CDC42SE2: variants seen among roughly 807,000 people sequenced by gnomAD.
CDC42SE2 encodes CDC42 small effector protein 2.
Under a neutral mutation model 11.5 loss-of-function variants are expected in CDC42SE2, and 3 were observed. That is an observed-to-expected ratio of 0.26 (90% CI 0.12 to 0.67). CDC42SE2 has a LOEUF of 0.67. Among genes scored for constraint, CDC42SE2 ranks in the 30% least tolerant of loss-of-function variants. The probability of loss-of-function intolerance (pLI) is 0.80; values close to 1 mark genes in which losing one functional copy is unlikely to be tolerated. For missense variants in CDC42SE2, 82 were observed against 106.8 expected, an observed-to-expected ratio of 0.77 and a Z score of 1.02; for synonymous variants, 33 against 34.8, an observed-to-expected ratio of 0.95 and a Z score of 0.18.
intron 2 of CDC42SE2, among the ~76,000 whole-genome samples, chr5:131,340,700 T>C (rs62391421): frequency 4.8e-5 from 7 of 144,490 alleles, no homozygotes; most frequent in Admixed American, 3.4e-4. Context: ...TTTTTTTTTT[T>C]CCAAGACAGA....
upstream of CDC42SE2, among the ~76,000 whole-genome samples, chr5:131,262,682 A>G (rs186480236): frequency 7.5e-4 from 115 of 152,360 alleles, no homozygotes; most frequent in South Asian, 6.4e-3. Flanking sequence ...GTATTTGCAC[A>G]TAACCCACAT....
intron 2 of CDC42SE2, among the ~76,000 whole-genome samples, chr5:131,354,187 G>T (rs2149765974): frequency 6.6e-6 from 1 of 152,204 alleles, no homozygotes; most frequent in East Asian, 1.9e-4. Context: ...GCGGTGAGCT[G>T]AGATTGCGAC....
intron 1 of CDC42SE2, among the ~76,000 whole-genome samples, chr5:131,309,290 T>G (rs956697453): frequency 7.3e-5 from 11 of 150,844 alleles, no homozygotes; most frequent in Admixed American, 4.0e-4. Flanking sequence ...ATCCCAGGGA[T>G]GAAGCCCACT....
At chr5:131,250,271 T>G (rs1756629429) in intron 1 of CDC42SE2, among the ~76,000 whole-genome samples, 2 of 152,260 alleles carry the variant, frequency 1.3e-5, no homozygotes, top group Non-Finnish European at 2.9e-5. Flanking sequence ...TGTGGTACAT[T>G]TCAACAGAAA....
chr5:131,359,676 A>C, intron 3 of CDC42SE2, 129 bp downstream of exon 3: 1 of 738,492 alleles, frequency 1.4e-6, no homozygotes, highest in East Asian at 2.5e-5. Context: ...AGAATAGTTC[A>C]GTGGAACTCC....
At chr5:131,372,540 C>T (rs753200533) in intron 3 of CDC42SE2, among the ~76,000 whole-genome samples, 2 of 151,788 alleles carry the variant, frequency 1.3e-5, no homozygotes, top group Admixed American at 6.6e-5. Context: ...AGTGAAACCC[C>T]GTCTCTACTA....
intron 2 of CDC42SE2, among the ~76,000 whole-genome samples, chr5:131,339,477 A>G (rs973676979): frequency 5.3e-5 from 8 of 152,080 alleles, no homozygotes; most frequent in South Asian, 2.1e-4. Context: ...TAGTAGGTCA[A>G]TTTGTAAAAG....
At chr5:131,355,249 A>G (rs1749500698) in intron 2 of CDC42SE2, among the ~76,000 whole-genome samples, 1 of 152,154 alleles carries the variant, frequency 6.6e-6, no homozygotes. Flanking sequence ...GCAATGCAGT[A>G]TTTCATTTTA....
rs1205027908 is a variant in CDC42SE2, at chr5:131,317,523, G to A, written c.-286+1379G>A. On this transcript the variant is annotated intron_variant, in intron 2 of 4. Transcript: ENST00000505065. ...TGTTCTTAGGACTGTGTGTTTTGGGGGAGGTGGAGGGAAGTTTGGCGGTGA... is the reference window on the plus strand; with the variant it reads ...TGTTCTTAGGACTGTGTGTTTTGGGAGAGGTGGAGGGAAGTTTGGCGGTGA... Among the ~76,000 whole-genome samples the A allele has an allele frequency of 2.0e-5, 3 of 151,916 alleles. No individual in the cohort carries two copies. The East Asian group carries it at 5.8e-4, about 29-fold the overall frequency.
chr5:131,339,246 GAAAAAAAAAAAAAAAA>G (rs34594352), intron 2 of CDC42SE2, among the ~76,000 whole-genome samples: 1 of 28,230 alleles, frequency 3.5e-5, no homozygotes, highest in African/African-American at 1.0e-4. Context: ...GACTCTGTCT[GAAAAAAAAAAAAAAAA>G]AAAAAAAAAA....
the CDC42SE2 span, among the ~76,000 whole-genome samples, chr5:131,225,571 A>G: frequency 4.6e-5 from 7 of 152,212 alleles, no homozygotes; most frequent in Non-Finnish European, 8.8e-5. Context: ...TGGCATGAGG[A>G]GTCTATAGAA....
At chr5:131,311,220 A>G (rs1330493886) in intron 1 of CDC42SE2, among the ~76,000 whole-genome samples, 1 of 151,552 alleles carries the variant, frequency 6.6e-6, no homozygotes, top group East Asian at 1.9e-4. Context: ...TTGGCTGGAT[A>G]TGCAATTCTG....
chr5:131,257,262 AATT>A (rs1756685768), intron 2 of CDC42SE2, among the ~76,000 whole-genome samples: 1 of 152,034 alleles, frequency 6.6e-6, no homozygotes, highest in Admixed American at 6.6e-5. Flanking sequence ...TTTTTAAAAA[AATT>A]ATTATTATTT....
In CDC42SE2 at chr5:131,385,557, G is replaced by A; in HGVS notation, c.69G>A (p.Arg23=). 1.2e-6 allele frequency: 2 copies of A among 1,613,500 alleles called. No homozygotes were observed. Among genetic ancestry groups the A allele is most frequent in the Non-Finnish European group, 8.5e-7 (1 of 1,179,592 alleles). Residue 23 remains arginine, a synonymous_variant, in exon 4 of 5, where the codon CGG becomes CGA. Transcript: ENST00000505065. ...CCATATTTTAGAAAAGGCGACGGCG[G>A]ATTGACAGAAGTATGATTGGAGAGC... is the stretch of plus-strand genomic sequence containing the variant. ...AEQPQPKRRR[R]IDRSMIGEPT...
chr5:131,316,624 A>G (rs531410054), intron 2 of CDC42SE2, among the ~76,000 whole-genome samples: 7 of 152,292 alleles, frequency 4.6e-5, no homozygotes, highest in African/African-American at 1.7e-4. Context: ...AAGGAAGAAA[A>G]TAGATGGTCC....
intron 1 of CDC42SE2, among the ~76,000 whole-genome samples, chr5:131,301,444 G>A (rs1166124734): frequency 6.6e-6 from 1 of 152,072 alleles, no homozygotes; most frequent in Non-Finnish European, 1.5e-5. Context: ...CCATAAATAT[G>A]TAGAATTATA....
the CDC42SE2 span, among the ~76,000 whole-genome samples, chr5:131,227,081 C>G: frequency 3.1e-4 from 47 of 152,300 alleles, no homozygotes; most frequent in Non-Finnish European, 5.1e-4. Flanking sequence ...AACACCATCA[C>G]ATCATTAATA....
chr5:131,213,232 G>A, the CDC42SE2 span, among the ~76,000 whole-genome samples: 1 of 151,668 alleles, frequency 6.6e-6, no homozygotes, highest in Non-Finnish European at 1.5e-5. Flanking sequence ...AGTTCATAAA[G>A]ATAGAGAGAG....
chr5:131,313,756 A>AT (rs1320263214), intron 1 of CDC42SE2, among the ~76,000 whole-genome samples: 1 of 152,090 alleles, frequency 6.6e-6, no homozygotes, highest in Non-Finnish European at 1.5e-5. Flanking sequence ...GGCTTCCAAA[A>AT]TTTTTGCCCT....
Sources: allele counts gnomAD v4.1 joint callset (sites outside exome capture counted in the v4.1 genomes callset), GRCh38; gene constraint gnomAD v4.1.1; transcripts MANE v1.5; gene names NCBI Gene and HGNC (gene_info 2026-07-23, HGNC 2026-07-21).